Variants in MKLN1 observed in about 807,000 individuals in gnomAD.
MKLN1 encodes muskelin.
Under a neutral mutation model 99.0 loss-of-function variants are expected in MKLN1, and 18 were observed. The ratio of observed to expected loss-of-function variants is 0.18; its 90% CI spans 0.13 to 0.27. The LOEUF (loss-of-function observed/expected upper bound fraction) is 0.27, where lower values mean the gene tolerates loss of function less well. MKLN1 is among the 10% of genes least tolerant of loss of function. MKLN1 has a pLI of 1.00. For missense variants in MKLN1, 621 were observed against 875.9 expected, an observed-to-expected ratio of 0.71 and a Z score of 3.67; for synonymous variants, 288 against 293.2, an observed-to-expected ratio of 0.98 and a Z score of 0.18.
chr7:131,238,473 T>C (rs529225443), intron 3 of MKLN1, among the ~76,000 whole-genome samples: 8 of 152,238 alleles, frequency 5.3e-5, no homozygotes, highest in Admixed American at 2.0e-4. Flanking sequence ...CAGAAGTCCA[T>C]TGGAGGTCAT....
At chr7:131,335,293 A>G (rs1482157146) in intron 1 of MKLN1, among the ~76,000 whole-genome samples, 1 of 152,176 alleles carries the variant, frequency 6.6e-6, no homozygotes, top group African/African-American at 2.4e-5. Context: ...CTGTGTATGT[A>G]TATTTATGCT....
At position 131,493,619 on chromosome 7, in the gene MKLN1, T is replaced by C. The variant is rs569508611; in HGVS notation, c.*5891T>C. ...CAGAAAATCCAGTGTTAATGGGCTC[T>C]AGATCTTAAACTAGGTGAGCAGCTT... On this transcript the variant is annotated 3_prime_UTR_variant, in exon 18 of 18. Transcript: ENST00000352689. The C allele has an allele frequency of 1.3e-5, 2 of 152,344 alleles. No homozygotes were observed. Among genetic ancestry groups the C allele is most frequent in the East Asian group, 1.9e-4 (1 of 5,194 alleles). 9.4% of individuals were successfully genotyped at this position (152,344 alleles called of 1,614,324 possible).
At chr7:131,399,722 A>T (rs1794475614) in intron 6 of MKLN1, among the ~76,000 whole-genome samples, 2 of 152,214 alleles carry the variant, frequency 1.3e-5, no homozygotes, top group South Asian at 4.1e-4. Context: ...ACTGTATCAG[A>T]AATAATATTT....
At chr7:131,255,880 C>CTATTTATT (rs3077583) in intron 3 of MKLN1, among the ~76,000 whole-genome samples, 6,045 of 135,296 alleles carry the variant, frequency 0.045, 180 homozygotes, top group Middle Eastern at 0.066. Flanking sequence ...TGTGCCCGAC[C>CTATTTATT]TATTTATTTA....
chr7:131,360,019 G>A (rs1250767304), intron 1 of MKLN1, among the ~76,000 whole-genome samples: 1 of 152,160 alleles, frequency 6.6e-6, no homozygotes, highest in East Asian at 1.9e-4. Flanking sequence ...AAAGTGCTGG[G>A]ATTACAGGCA....
At chr7:131,366,325 A>G (rs1410536823) in intron 1 of MKLN1, among the ~76,000 whole-genome samples, 1 of 152,188 alleles carries the variant, frequency 6.6e-6, no homozygotes, top group Non-Finnish European at 1.5e-5. Flanking sequence ...ATCCTTTTAT[A>G]CTTTTTAAAA....
At chr7:131,462,882 G>A (rs1204135018) in intron 12 of MKLN1, among the ~76,000 whole-genome samples, 2 of 152,194 alleles carry the variant, frequency 1.3e-5, no homozygotes, top group Non-Finnish European at 2.9e-5. Flanking sequence ...AGCACTTTGG[G>A]AAGATGAGGC....
chr7:131,350,601 G>C (rs1271895600), intron 1 of MKLN1, among the ~76,000 whole-genome samples: 1 of 152,182 alleles, frequency 6.6e-6, no homozygotes, highest in Non-Finnish European at 1.5e-5. Context: ...CTTGCAAGTT[G>C]TTGCCCAGAG....
At position 131,192,167 on chromosome 7, in the gene MKLN1, G is replaced by A. The variant is rs1182848576; in HGVS notation, c.-296-10690G>A. Among the ~76,000 whole-genome samples the A allele has an allele frequency of 2.2e-4, 19 of 85,778 alleles. 4 individuals carry two copies. The highest frequency in any genetic ancestry group is 9.9e-4 in the African/African-American group (19 of 19,282). The allele number at this position is 85,778 out of a possible 152,430, so 56.3% of individuals were successfully genotyped here. A position where few individuals can be genotyped will look rare whatever the true frequency, so the allele number is the denominator to read the frequency against. ...TACGTATATATACATATATACTTATGTATAATATATAAAAATATATAAAAT... is the reference window on the plus strand; with the variant it reads ...TACGTATATATACATATATACTTATATATAATATATAAAAATATATAAAAT... On this transcript the variant is annotated intron_variant, in intron 2 of 7. Transcript: ENST00000416992.
intron 7 of MKLN1, 59 bp downstream of exon 7, chr7:131,411,442 C>T: frequency 8.5e-7 from 1 of 1,174,678 alleles, no homozygotes; most frequent in Non-Finnish European, 1.3e-6. Flanking sequence ...CTTCAGTTTT[C>T]CCAAGGTAGT....
intron 3 of MKLN1, among the ~76,000 whole-genome samples, chr7:131,263,224 A>G (rs2116540510): frequency 6.6e-6 from 1 of 152,078 alleles, no homozygotes; most frequent in East Asian, 1.9e-4. Flanking sequence ...TAAGTTTTTA[A>G]GACCGGGCAT....
rs140164587 is a variant in MKLN1 at position 131,230,626 on chromosome 7, A to C, written c.-179+27652A>C. Among the ~76,000 whole-genome samples the C allele has an allele frequency of 2.2e-4, 34 of 152,334 alleles. No homozygotes were observed. The East Asian group carries it at 5.4e-3, about 24-fold the overall frequency. On this transcript the variant is annotated intron_variant, in intron 3 of 7. Transcript: ENST00000416992. ...TGTATTTACCATACATCTTGCCCTT[A>C]GGTCAAAACAACCTTAATCATAAAT...
chr7:131,123,049 A>AAAAAAT (rs1795400485), intron 1 of MKLN1, among the ~76,000 whole-genome samples: 10 of 150,268 alleles, frequency 6.7e-5, no homozygotes, highest in East Asian at 1.9e-4. Context: ...AAAAAAAAAA[A>AAAAAAT]GTGTTGCTGC....
intron 1 of MKLN1, among the ~76,000 whole-genome samples, chr7:131,364,346 G>C (rs1051773505): frequency 6.6e-6 from 1 of 152,038 alleles, no homozygotes; most frequent in Non-Finnish European, 1.5e-5. Context: ...GACTTCCTGT[G>C]TGTGTAGATA....
intron 2 of MKLN1, among the ~76,000 whole-genome samples, chr7:131,376,116 A>G (rs377056873): frequency 4.6e-3 from 1 of 216 alleles, no homozygotes; most frequent in African/African-American, 0.02. Context: ...ATATATATAT[A>G]TATATATATA....
At chr7:131,248,406 A>C (rs192699539) in intron 3 of MKLN1, among the ~76,000 whole-genome samples, 111 of 152,240 alleles carry the variant, frequency 7.3e-4, no homozygotes, top group African/African-American at 2.5e-3. Flanking sequence ...TCTACAAACG[A>C]AATTGCCTTA....
intron 1 of MKLN1, among the ~76,000 whole-genome samples, chr7:131,331,458 A>T (rs1028169579): frequency 6.6e-6 from 1 of 152,180 alleles, no homozygotes; most frequent in African/African-American, 2.4e-5. Context: ...AGATTTAGGG[A>T]GGTAAGTTAA....
intron 2 of MKLN1, among the ~76,000 whole-genome samples, chr7:131,378,761 T>C (rs1793745712): frequency 6.6e-6 from 1 of 151,856 alleles, no homozygotes; most frequent in Non-Finnish European, 1.5e-5. Context: ...ACCCAGGAGG[T>C]CAAGGCTGCA....
chr7:131,239,377 A>T (rs1797369179), intron 3 of MKLN1, among the ~76,000 whole-genome samples: 1 of 151,372 alleles, frequency 6.6e-6, no homozygotes, highest in African/African-American at 2.4e-5. Flanking sequence ...TACTGACACG[A>T]TCATAGCTCA....
Sources: allele counts gnomAD v4.1 joint callset (sites outside exome capture counted in the v4.1 genomes callset), GRCh38; gene constraint gnomAD v4.1.1; transcripts MANE v1.5; gene names NCBI Gene and HGNC (gene_info 2026-07-23, HGNC 2026-07-21).